Variants in TRERF1 observed in about 807,000 individuals in gnomAD.
The protein encoded by TRERF1 is transcriptional regulating factor 1.
Under a neutral mutation model 122.9 loss-of-function variants are expected in TRERF1, and 27 were observed. The observed-to-expected ratio is 0.22, with a 90% CI of 0.16 to 0.30. TRERF1 has a LOEUF of 0.30. TRERF1 is among the 10% of genes least tolerant of loss of function. The pLI, the probability that TRERF1 is intolerant of heterozygous loss-of-function variation, is 1.00. For missense variants in TRERF1, 1,248 were observed against 1,560.3 expected (o/e 0.80, Z 3.37); for synonymous variants, 636 against 641.7 (o/e 0.99, Z 0.13).
intron 3 of TRERF1, among the ~76,000 whole-genome samples, chr6:42,329,759 G>A (rs1764931582): frequency 6.6e-6 from 1 of 152,144 alleles, no homozygotes; most frequent in African/African-American, 2.4e-5. Context: ...GGGAGGCTGA[G>A]GTGGGCGGAT....
intron 2 of TRERF1, among the ~76,000 whole-genome samples, chr6:42,416,798 T>C (rs1001863986): frequency 2.0e-5 from 3 of 152,352 alleles, no homozygotes; most frequent in Admixed American, 6.5e-5. Flanking sequence ...CATCTGGTCC[T>C]GGGACTATTT....
intron 3 of TRERF1, among the ~76,000 whole-genome samples, chr6:42,316,577 C>A (rs1332481748): frequency 1.3e-5 from 2 of 152,214 alleles, no homozygotes; most frequent in Non-Finnish European, 2.9e-5. Context: ...TTGCCTCTAG[C>A]CTCACAAGCC....
At chr6:42,331,376 C>G (rs895486263) in intron 3 of TRERF1, among the ~76,000 whole-genome samples, 3 of 151,972 alleles carry the variant, frequency 2.0e-5, no homozygotes, top group Non-Finnish European at 4.4e-5. Context: ...TGAGATGAGG[C>G]TAGAGATGGG....
At chr6:42,242,516 G>A (rs111858505) in intron 15 of TRERF1, among the ~76,000 whole-genome samples, 9 of 152,218 alleles carry the variant, frequency 5.9e-5, no homozygotes, top group African/African-American at 2.2e-4. Flanking sequence ...GTTTTCCACA[G>A]AGTGTGAAAA....
intron 2 of TRERF1, among the ~76,000 whole-genome samples, chr6:42,365,256 C>G (rs1043531912): frequency 2.0e-5 from 3 of 152,172 alleles, no homozygotes; most frequent in Non-Finnish European, 2.9e-5. Context: ...AGACAGCCAG[C>G]TGCTGGCCAG....
At chr6:42,445,993 C>T (rs531229521) in intron 2 of TRERF1, among the ~76,000 whole-genome samples, 10 of 152,366 alleles carry the variant, frequency 6.6e-5, no homozygotes, top group Non-Finnish European at 1.3e-4. Flanking sequence ...CCACTCACTG[C>T]AACCTTCACC....
At chr6:42,404,872 G>A (rs1006642541) in intron 2 of TRERF1, among the ~76,000 whole-genome samples, 5 of 152,166 alleles carry the variant, frequency 3.3e-5, no homozygotes. Context: ...GCAGGACTAA[G>A]AGAATTCCTC....
chr6:42,257,555 A>G (rs763238084), intron 10 of TRERF1, among the ~76,000 whole-genome samples: 20 of 152,206 alleles, frequency 1.3e-4, no homozygotes, highest in Non-Finnish European at 8.8e-5. Context: ...CTCCCATTTG[A>G]CGAGTCAACT....
At chr6:42,244,900 G>T (rs921258442) in intron 14 of TRERF1, among the ~76,000 whole-genome samples, 19 of 152,364 alleles carry the variant, frequency 1.2e-4, no homozygotes, top group African/African-American at 4.6e-4. Context: ...ATCAGGTGAG[G>T]TGTAATAACG....
At chr6:42,299,570 A>G (rs1785779394) in intron 4 of TRERF1, among the ~76,000 whole-genome samples, 1 of 152,218 alleles carries the variant, frequency 6.6e-6, no homozygotes, top group Non-Finnish European at 1.5e-5. Flanking sequence ...ACAAAATCAG[A>G]AAAGAACATA....
At chr6:42,273,891 C>T (rs1335782444) in intron 4 of TRERF1, among the ~76,000 whole-genome samples, 1 of 152,186 alleles carries the variant, frequency 6.6e-6, no homozygotes, top group Non-Finnish European at 1.5e-5. Flanking sequence ...CTCCTATGGC[C>T]CTGTGGGTAG....
chr6:42,246,364 A>G, intron 14 of TRERF1, 92 bp downstream of exon 14: 1 of 988,130 alleles, frequency 1.0e-6, no homozygotes, highest in Non-Finnish European at 1.5e-6. Context: ...TTTTGTAAGT[A>G]TCTTAAACCA....
chr6:42,439,461 G>A (rs1432117421), intron 2 of TRERF1, among the ~76,000 whole-genome samples: 2 of 152,170 alleles, frequency 1.3e-5, no homozygotes, highest in African/African-American at 2.4e-5. Context: ...GCGGGCACCT[G>A]TAATCCCAGC....
At chr6:42,436,809 AAAAAAATATATATATATATAT>A (rs981804894) in intron 2 of TRERF1, among the ~76,000 whole-genome samples, 2 of 117,062 alleles carry the variant, frequency 1.7e-5, no homozygotes, top group African/African-American at 6.4e-5. Context: ...ACAAAAAAAA[AAAAAAATATATATATATATAT>A]ATATATATAT....
intron 3 of TRERF1, among the ~76,000 whole-genome samples, chr6:42,358,853 T>G (rs1437793785): frequency 6.6e-6 from 1 of 151,420 alleles, no homozygotes; most frequent in Non-Finnish European, 1.5e-5. Flanking sequence ...AACCACTAGT[T>G]TACAGCACTC....
intron 3 of TRERF1, among the ~76,000 whole-genome samples, chr6:42,336,778 C>G (rs1766272310): frequency 6.6e-6 from 1 of 152,202 alleles, no homozygotes; most frequent in African/African-American, 2.4e-5. Context: ...AATTCTAGCT[C>G]TGCCACTAAC....
chr6:42,239,334 G>T (rs1050129883), intron 15 of TRERF1, among the ~76,000 whole-genome samples: 2 of 152,142 alleles, frequency 1.3e-5, no homozygotes, highest in African/African-American at 4.8e-5. Flanking sequence ...TCCTGAGTCG[G>T]GGAGCATGAG....
At chr6:42,258,054 A>G in intron 10 of TRERF1, 81 bp downstream of exon 10, 1 of 1,218,672 alleles carries the variant, frequency 8.2e-7, no homozygotes, top group South Asian at 1.3e-5. Context: ...TCTCAGTGTA[A>G]TCCTCTGACT....
At chr6:42,227,462 T>C (rs1240499700) in exon 18 of TRERF1, 1 of 152,236 alleles carries the variant, frequency 6.6e-6, no homozygotes, top group Non-Finnish European at 1.5e-5. Flanking sequence ...TAGAACACTT[T>C]CTGGCATTCT....
Sources: gnomAD v4.1 joint callset for allele counts (sites outside exome capture counted in the v4.1 genomes callset) on GRCh38, gnomAD v4.1.1 for gene constraint, MANE v1.5 for transcripts, NCBI Gene and HGNC (gene_info 2026-07-23, HGNC 2026-07-21) for gene names.